The following GALNT13 variants were observed in gnomAD, a reference collection of about 807,000 sequenced individuals.
GALNT13 encodes the protein UDP-GalNAc:polypeptide N-acetylgalactosaminyltransferase 13.
GALNT13 carries 28 observed loss-of-function variants against 64.2 expected under a neutral mutation model. The observed-to-expected ratio is 0.44, with a 90% CI of 0.32 to 0.60. The LOEUF (loss-of-function observed/expected upper bound fraction) is 0.60, where lower values mean the gene tolerates loss of function less well. Ranked by LOEUF, GALNT13 falls within the 20% of genes least tolerant of loss-of-function variation. The probability of loss-of-function intolerance (pLI) is 0.05; values close to 1 mark genes in which losing one functional copy is unlikely to be tolerated. For missense variants in GALNT13, 577 were observed against 669.8 expected (o/e 0.86, Z 1.53); for synonymous variants, 214 against 224.6 (o/e 0.95, Z 0.42).
chr2:153,769,590 G>A, the GALNT13 span, among the ~76,000 whole-genome samples: 1 of 152,144 alleles, frequency 6.6e-6, no homozygotes, highest in Non-Finnish European at 1.5e-5. Flanking sequence ...TCTTGTAGGA[G>A]TTCTCTGAGC....
chr2:154,211,962 G>A (rs1170674665), intron 4 of GALNT13, among the ~76,000 whole-genome samples: 2 of 152,114 alleles, frequency 1.3e-5, no homozygotes, highest in African/African-American at 4.8e-5. Flanking sequence ...GGTCAAGAAG[G>A]CTGTGAGAAA....
intron 4 of GALNT13, among the ~76,000 whole-genome samples, chr2:154,144,101 A>G (rs190355418): frequency 6.6e-6 from 1 of 152,040 alleles, no homozygotes; most frequent in East Asian, 1.9e-4. Flanking sequence ...AAATAATATT[A>G]ATGAAAAAAC....
chr2:153,310,928 A>G, the GALNT13 span, among the ~76,000 whole-genome samples: 36 of 152,312 alleles, frequency 2.4e-4, no homozygotes, highest in African/African-American at 6.3e-4. Flanking sequence ...GGAAGGATCA[A>G]TTCCTATCTG....
chr2:153,088,731 G>T, the GALNT13 span, among the ~76,000 whole-genome samples: 6 of 152,030 alleles, frequency 3.9e-5, no homozygotes, highest in South Asian at 6.2e-4. Context: ...GTCCCTCCTT[G>T]TCTATTTTTT....
chr2:153,278,293 C>T, the GALNT13 span, among the ~76,000 whole-genome samples: 10 of 152,070 alleles, frequency 6.6e-5, no homozygotes, highest in Non-Finnish European at 1.3e-4. Context: ...TATTTTCTGT[C>T]ATTCTGTAGG....
At chr2:153,125,454 C>T in the GALNT13 span, among the ~76,000 whole-genome samples, 1 of 152,152 alleles carries the variant, frequency 6.6e-6, no homozygotes, top group South Asian at 2.1e-4. Flanking sequence ...AATGACAGTC[C>T]AGTCTGAGAG....
intron 3 of GALNT13, among the ~76,000 whole-genome samples, chr2:154,113,272 C>A (rs1055809684): frequency 6.6e-6 from 1 of 152,184 alleles, no homozygotes; most frequent in Non-Finnish European, 1.5e-5. Flanking sequence ...ACTGACACCT[C>A]AAGCACCATG....
At chr2:154,189,189 G>A (rs1686427870) in intron 4 of GALNT13, among the ~76,000 whole-genome samples, 1 of 151,998 alleles carries the variant, frequency 6.6e-6, no homozygotes, top group Non-Finnish European at 1.5e-5. Flanking sequence ...TCATATAGTT[G>A]TACTCTGACC....
At chr2:153,917,920 T>G (rs1385123102) in intron 2 of GALNT13, among the ~76,000 whole-genome samples, 1 of 152,110 alleles carries the variant, frequency 6.6e-6, no homozygotes, top group Admixed American at 6.6e-5. Flanking sequence ...ACCACAGTTT[T>G]TTTTTTTTTC....
intron 2 of GALNT13, among the ~76,000 whole-genome samples, chr2:153,944,014 CA>C (rs2105384135): frequency 6.6e-6 from 1 of 152,248 alleles, no homozygotes; most frequent in East Asian, 1.9e-4. Context: ...TATTGTATCC[CA>C]GGATGATTTC....
At chr2:153,250,128 A>G in the GALNT13 span, among the ~76,000 whole-genome samples, 2 of 152,348 alleles carry the variant, frequency 1.3e-5, no homozygotes, top group South Asian at 4.1e-4. Flanking sequence ...AAATTTTTGC[A>G]ATCCATCCAT....
At chr2:154,319,221 G>A (rs374880160) in intron 9 of GALNT13, among the ~76,000 whole-genome samples, 4 of 152,070 alleles carry the variant, frequency 2.6e-5, no homozygotes, top group East Asian at 1.9e-4. Flanking sequence ...AAATGTATGC[G>A]GACATTTGAA....
chr2:154,205,451 G>T lies in GALNT13; in HGVS notation c.312-36579G>T, dbSNP rs147541751. On this transcript the variant is annotated intron_variant, in intron 4 of 12. Transcript: ENST00000392825. ...TATACATTTAGTAGAAAAAAAGATT[G>T]TAAATTAGCTAGGCAATAACTTAAC... is the stretch of plus-strand genomic sequence containing the variant. Among the ~76,000 whole-genome samples, 576 of 152,248 alleles carry T rather than the reference G, an allele frequency of 3.8e-3. 6 individuals are homozygous for T. The highest frequency in any genetic ancestry group is 0.013 in the African/African-American group (559 of 41,536).
chr2:154,028,925 C>G (rs924534351), intron 3 of GALNT13, among the ~76,000 whole-genome samples: 1 of 151,918 alleles, frequency 6.6e-6, no homozygotes. Flanking sequence ...GAACTAAGGT[C>G]GTAGGGCAAC....
At chr2:153,930,286 T>G (rs1690428641) in intron 2 of GALNT13, among the ~76,000 whole-genome samples, 1 of 152,148 alleles carries the variant, frequency 6.6e-6, no homozygotes, top group South Asian at 2.1e-4. Flanking sequence ...CTTTCTGAGG[T>G]GAGGGTTGTC....
At chr2:154,455,305 C>T (rs1244880687), downstream of GALNT13, among the ~76,000 whole-genome samples, 7 of 152,176 alleles carry the variant, frequency 4.6e-5, no homozygotes, top group South Asian at 1.4e-3. Context: ...ATCTCATTTA[C>T]AGATGCTAAA....
chr2:154,431,750 G>A (rs929509873), intron 11 of GALNT13, among the ~76,000 whole-genome samples: 1 of 152,168 alleles, frequency 6.6e-6, no homozygotes, highest in Non-Finnish European at 1.5e-5. Flanking sequence ...GAATCATGGG[G>A]GCAGGTTTTT....
chr2:153,198,414 A>G, the GALNT13 span, among the ~76,000 whole-genome samples: 3 of 152,056 alleles, frequency 2.0e-5, no homozygotes, highest in African/African-American at 7.2e-5. Context: ...GCTGCTCCAA[A>G]TCTCTGGCTA....
Position 154,301,354 on chromosome 2 carries a change from G to A in GALNT13, c.976-55G>A, listed in dbSNP as rs866633731. The A allele has an allele frequency of 3.5e-6, 5 of 1,422,176 alleles. No individual in the cohort carries two copies. In the Middle Eastern group the frequency reaches 9.1e-4, roughly 258 times the overall value. 88.1% of individuals were successfully genotyped at this position (1,422,176 alleles called of 1,614,324 possible). On this transcript the variant is annotated intron_variant, in intron 8 of 12. Transcript: ENST00000392825. ...CGAAGATTTGGCCTAAGCTTCAGTTGCTTCATCTCATACAATATTATTGCA... is the reference window on the plus strand; with the variant it reads ...CGAAGATTTGGCCTAAGCTTCAGTTACTTCATCTCATACAATATTATTGCA...
Sources: allele counts gnomAD v4.1 joint callset (sites outside exome capture counted in the v4.1 genomes callset), GRCh38; gene constraint gnomAD v4.1.1; transcripts MANE v1.5; gene names NCBI Gene and HGNC (gene_info 2026-07-23, HGNC 2026-07-21).